Variants in LRIG1 observed in about 807,000 individuals in gnomAD.
LRIG1 encodes the protein leucine rich repeats and immunoglobulin like domains 1, also known as leucine-rich repeats and immunoglobulin-like domains protein 1.
A neutral mutation model predicts 99.2 loss-of-function variants in LRIG1; 48 were observed. That is an observed-to-expected ratio of 0.48 (90% CI 0.38 to 0.62). The LOEUF is 0.62. Ranked by LOEUF, LRIG1 falls within the 20% of genes least tolerant of loss-of-function variation. The pLI is 0.00. For missense variants in LRIG1, 1,646 were observed against 1,434.4 expected, an observed-to-expected ratio of 1.15 and a Z score of -2.38; for synonymous variants, 772 against 596.1, an observed-to-expected ratio of 1.29 and a Z score of -4.30.
At position 66,491,084 on chromosome 3, in the gene LRIG1, G is replaced by C. The variant is rs75002978; in HGVS notation, c.218+9106C>G. 3.0e-4 allele frequency among the ~76,000 whole-genome samples: 46 copies of C among 152,150 alleles called. No homozygotes were observed. The East Asian group carries it at 8.9e-3, about 29-fold the overall frequency. On this transcript the variant is annotated intron_variant, in intron 1 of 18. Coordinates refer to ENST00000273261, the MANE Select transcript of LRIG1 (RefSeq NM_015541.3). Reference sequence around the variant, plus strand: ...TGTGAAGTTTAAATCAAGCACAGAGGGTTCCAGGAACCTAGTTCTTTGCTT... The same window carrying C: ...TGTGAAGTTTAAATCAAGCACAGAGCGTTCCAGGAACCTAGTTCTTTGCTT...
At chr3:66,407,241 T>C in intron 8 of LRIG1, 107 bp downstream of exon 8, 1 of 1,221,542 alleles carries the variant, frequency 8.2e-7, no homozygotes, top group East Asian at 2.4e-5. Context: ...TTGGATCCAA[T>C]TCTGACTCGA....
intron 1 of LRIG1, among the ~76,000 whole-genome samples, chr3:66,487,407 C>A (rs1700999519): frequency 6.6e-6 from 1 of 152,206 alleles, no homozygotes; most frequent in Admixed American, 6.5e-5. Flanking sequence ...AATTACACTT[C>A]AGGGGTAAAC....
rs115954390 is a variant in LRIG1, at chr3:66,468,114, T to C, written c.219-5605A>G. ...TAATCTGACAAGCACCTTCCTGGAT[T>C]ACAACCAGAACCACATATTACAAAC... On this transcript the variant is annotated intron_variant, in intron 1 of 18. Coordinates refer to ENST00000273261, the MANE Select transcript of LRIG1 (RefSeq NM_015541.3). 5.0e-3 allele frequency among the ~76,000 whole-genome samples: 761 copies of C among 152,354 alleles called. 6 individuals carry two copies. The highest frequency in any genetic ancestry group is 0.017 in the African/African-American group (720 of 41,574).
At chr3:66,382,478 A>C in intron 15 of LRIG1, 80 bp from the exon 16 acceptor site, 1 of 1,537,204 alleles carries the variant, frequency 6.5e-7, no homozygotes, top group Non-Finnish European at 9.0e-7. Context: ...CAAGCTCAGA[A>C]AGGGGATCCT....
At chr3:66,428,801 C>G (rs542304970) in intron 3 of LRIG1, among the ~76,000 whole-genome samples, 2 of 152,246 alleles carry the variant, frequency 1.3e-5, no homozygotes, top group Non-Finnish European at 2.9e-5. Context: ...TCGTAAGAAA[C>G]AGCCCAGCCT....
intron 14 of LRIG1, 87 bp from the exon 15 acceptor site, chr3:66,383,488 A>G: frequency 2.5e-6 from 3 of 1,191,032 alleles, no homozygotes; most frequent in Non-Finnish European, 2.4e-6. Flanking sequence ...GGACAATCCA[A>G]CATATCAATG....
At chr3:66,484,025 G>C (rs1575727924) in intron 1 of LRIG1, among the ~76,000 whole-genome samples, 1 of 152,348 alleles carries the variant, frequency 6.6e-6, no homozygotes. Flanking sequence ...TCTAAATGTG[G>C]CAGGTAAACA....
At chr3:66,410,603 C>T (rs1011080638) in intron 6 of LRIG1, among the ~76,000 whole-genome samples, 1 of 152,000 alleles carries the variant, frequency 6.6e-6, no homozygotes, top group African/African-American at 2.4e-5. Flanking sequence ...TTGGGGAGGC[C>T]GAAGAAGGAG....
At chr3:66,437,282 G>T (rs116148075) in intron 3 of LRIG1, among the ~76,000 whole-genome samples, 2 of 152,216 alleles carry the variant, frequency 1.3e-5, no homozygotes, top group Non-Finnish European at 2.9e-5. Context: ...CTGTGGTAAG[G>T]TAAGAGCAAT....
intron 1 of LRIG1, among the ~76,000 whole-genome samples, chr3:66,467,349 C>G (rs1256138062): frequency 6.8e-6 from 1 of 147,644 alleles, no homozygotes; most frequent in Non-Finnish European, 1.5e-5. Flanking sequence ...TCCTTGGCCA[C>G]ACTAGCTATT....
intron 3 of LRIG1, among the ~76,000 whole-genome samples, chr3:66,427,336 T>C (rs1255322425): frequency 6.6e-6 from 1 of 152,242 alleles, no homozygotes; most frequent in Non-Finnish European, 1.5e-5. Flanking sequence ...ACACCTGGAA[T>C]CCACACAATG....
intron 1 of LRIG1, among the ~76,000 whole-genome samples, chr3:66,488,841 A>G (rs1011562421): frequency 1.3e-5 from 2 of 152,338 alleles, no homozygotes; most frequent in African/African-American, 4.8e-5. Flanking sequence ...GCAGTTTCTC[A>G]GCATCATTTA....
Position 66,412,897 on chromosome 3 carries a change from G to T in LRIG1, c.765C>A (p.Phe255Leu). Residue 255 changes from phenylalanine to leucine, a missense_variant, in exon 6 of 19, where the codon TTC becomes TTA. Coordinates refer to ENST00000273261, the MANE Select transcript of LRIG1 (RefSeq NM_015541.3). ...GCACATGCATCTTGGACAGTCCCCA[G>T]AAGGCCCCATCTGTCAGTTTGCTGA... is the stretch of plus-strand genomic sequence containing the variant. Reference protein sequence around the residue: ...NNISKLTDGAFWGLSKMHVLH... With the variant: ...NNISKLTDGALWGLSKMHVLH... 6.2e-7 allele frequency: 1 copy of T among 1,614,188 alleles called. No individual in the cohort carries two copies. Among genetic ancestry groups the T allele is most frequent in the Non-Finnish European group, 8.5e-7 (1 of 1,180,030 alleles).
chr3:66,399,476 A>G (rs1001100293), intron 9 of LRIG1, among the ~76,000 whole-genome samples: 1 of 152,198 alleles, frequency 6.6e-6, no homozygotes, highest in African/African-American at 2.4e-5. Flanking sequence ...CTTCGGAATT[A>G]AAACTGCTGA....
rs1018778255 is a variant in LRIG1 at position 66,380,182 on chromosome 3, T to G, written c.*81A>C. ...ACAACTATGTACAGATGAGTGACGC[T>G]TGAACCCAAGCTTCCTCGCAGCCTC... On this transcript the variant is annotated 3_prime_UTR_variant, in exon 19 of 19. Coordinates refer to ENST00000273261, the MANE Select transcript of LRIG1 (RefSeq NM_015541.3). 5 of 1,201,532 alleles carry G rather than the reference T, an allele frequency of 4.2e-6. No homozygotes were observed. Among genetic ancestry groups the G allele is most frequent in the Non-Finnish European group, 5.9e-6 (5 of 852,562 alleles). 74.4% of individuals were successfully genotyped at this position (1,201,532 alleles called of 1,614,324 possible).
At chr3:66,460,397 G>A (rs568517322) in intron 2 of LRIG1, among the ~76,000 whole-genome samples, 1 of 152,230 alleles carries the variant, frequency 6.6e-6, no homozygotes, top group South Asian at 2.1e-4. Flanking sequence ...GACTATGATG[G>A]GCTGAACTGT....
chr3:66,482,878 C>T (rs971078455), intron 1 of LRIG1, among the ~76,000 whole-genome samples: 1 of 152,076 alleles, frequency 6.6e-6, no homozygotes, highest in African/African-American at 2.4e-5. Flanking sequence ...GGTATTCAGC[C>T]TCACACATTA....
At chr3:66,410,640 C>T (rs1702435138) in intron 6 of LRIG1, among the ~76,000 whole-genome samples, 1 of 152,096 alleles carries the variant, frequency 6.6e-6, no homozygotes, top group South Asian at 2.1e-4. Flanking sequence ...GAGTTCGAGA[C>T]CAGCAAGGGC....
chr3:66,416,604 C>A (rs185520462), intron 4 of LRIG1, among the ~76,000 whole-genome samples: 16 of 152,230 alleles, frequency 1.1e-4, no homozygotes, highest in African/African-American at 3.1e-4. Context: ...GAGAAACAGA[C>A]AAATCTAAAA....
Sources: gnomAD v4.1 joint callset for allele counts (sites outside exome capture counted in the v4.1 genomes callset) on GRCh38, gnomAD v4.1.1 for gene constraint, MANE v1.5 for transcripts, NCBI Gene and HGNC (gene_info 2026-07-23, HGNC 2026-07-21) for gene names.